The following CDCP1 variants were observed in gnomAD, a reference collection of about 807,000 sequenced individuals.
The protein encoded by CDCP1 is CUB domain-containing protein 1.
CDCP1 carries 29 observed loss-of-function variants against 60.2 expected under a neutral mutation model. The ratio of observed to expected loss-of-function variants is 0.48; its 90% confidence interval spans 0.36 to 0.66. The LOEUF (loss-of-function observed/expected upper bound fraction) is 0.66, where lower values mean the gene tolerates loss of function less well. Among genes scored for constraint, CDCP1 ranks in the 30% least tolerant of loss-of-function variants. The probability of loss-of-function intolerance (pLI) is 0.00; values close to 1 mark genes in which losing one functional copy is unlikely to be tolerated. For synonymous variants in CDCP1, 387 were observed against 431.1 expected (o/e 0.90, Z 1.27); for missense variants, 876 against 1,074.3 (o/e 0.82, Z 2.58).
intron 1 of CDCP1, among the ~76,000 whole-genome samples, chr3:45,124,485 T>C (rs1698940255): frequency 1.3e-5 from 2 of 152,156 alleles, no homozygotes; most frequent in South Asian, 4.1e-4. Flanking sequence ...TTAAGATGCA[T>C]GGTGCCCTGG....
chr3:45,117,639 C>A (rs1163784153), intron 2 of CDCP1, among the ~76,000 whole-genome samples: 1 of 151,624 alleles, frequency 6.6e-6, no homozygotes, highest in Non-Finnish European at 1.5e-5. Flanking sequence ...CTCTGTCACC[C>A]AGGCTGGAGT....
intron 4 of CDCP1, among the ~76,000 whole-genome samples, chr3:45,096,118 G>A (rs951339106): frequency 2.0e-4 from 30 of 152,218 alleles, no homozygotes; most frequent in African/African-American, 7.2e-4. Context: ...TTTGGCACAC[G>A]GCCAGTGGGA....
intron 5 of CDCP1, among the ~76,000 whole-genome samples, chr3:45,094,588 C>A (rs1218300771): frequency 6.6e-6 from 1 of 151,966 alleles, no homozygotes; most frequent in African/African-American, 2.4e-5. Context: ...GTGACTAGTG[C>A]ATGTCCAGCA....
chr3:45,141,251 A>G (rs1023380037), intron 1 of CDCP1, among the ~76,000 whole-genome samples: 2 of 152,192 alleles, frequency 1.3e-5, no homozygotes, highest in African/African-American at 4.8e-5. Flanking sequence ...AGTGTCAAAA[A>G]TGTCAACAAA....
rs1234353405 is a variant in CDCP1 at position 45,083,822 on chromosome 3, T to G, written c.*1816A>C. The G allele has an allele frequency of 6.6e-6, 1 of 151,522 alleles. No individual in the cohort carries two copies. Among genetic ancestry groups the G allele is most frequent in the Admixed American group, 6.6e-5 (1 of 15,180 alleles). The allele number at this position is 151,522 out of a possible 1,614,324, so 9.4% of individuals were successfully genotyped here. A position where few individuals can be genotyped will look rare whatever the true frequency, so the allele number is the denominator to read the frequency against. On this transcript the variant is annotated 3_prime_UTR_variant, in exon 9 of 9. Transcript: ENST00000296129. The stretch of plus-strand genomic sequence containing the variant: ...TATTTGGGAGGCTGAGGTGGGAGAA[T>G]TGCTTGAGCCCAGGAGGCAGAGGTT...
intron 2 of CDCP1, among the ~76,000 whole-genome samples, 195 bp from the exon 3 acceptor site, chr3:45,112,640 G>A (rs960499797): frequency 6.6e-6 from 1 of 152,238 alleles, no homozygotes; most frequent in Non-Finnish European, 1.5e-5. Context: ...CTCCTTCGGG[G>A]AAGTGCCTCA....
At position 45,083,439 on chromosome 3, in the gene CDCP1, C is replaced by G. The variant is rs1169334486; in HGVS notation, c.*2199G>C. The G allele has an allele frequency of 1.3e-5, 2 of 152,172 alleles. No homozygotes were observed. The highest frequency in any genetic ancestry group is 4.8e-5 in the African/African-American group (2 of 41,438). 9.4% of individuals were successfully genotyped at this position (152,172 alleles called of 1,614,324 possible). On this transcript the variant is annotated 3_prime_UTR_variant, in exon 9 of 9. Transcript: ENST00000296129. ...GTGAACAAGTTGAGGCGGTGCATTTCCAAGGTGAATTCATTGAATACAATG... is the reference window on the plus strand; with the variant it reads ...GTGAACAAGTTGAGGCGGTGCATTTGCAAGGTGAATTCATTGAATACAATG...
intron 1 of CDCP1, among the ~76,000 whole-genome samples, chr3:45,129,631 A>G (rs527560699): frequency 3.3e-4 from 51 of 152,322 alleles, no homozygotes; most frequent in African/African-American, 1.2e-3. Flanking sequence ...AAATCAAAGG[A>G]GTGGATTAAA....
In CDCP1 at chr3:45,091,638, C is replaced by T. The variant is rs1432392049; in HGVS notation, c.1628-100G>A. 1.7e-5 allele frequency: 24 copies of T among 1,385,390 alleles called. No homozygotes were observed. Among genetic ancestry groups the T allele is most frequent in the East Asian group, 1.2e-4 (5 of 40,106 alleles). 85.8% of individuals were successfully genotyped at this position (1,385,390 alleles called of 1,614,324 possible). On this transcript the variant is annotated intron_variant, in intron 6 of 8. Coordinates refer to ENST00000296129, the MANE Select transcript of CDCP1 (RefSeq NM_022842.5). This position sits in a 1 kb window ranked among gnomAD's most constrained non-coding sequence, Gnocchi z 4.8. Reference sequence around the variant, plus strand: ...GACGAAGTCCAACTGTCCAGACCAGCGCTGTCTAACCGAACTTTCTGCGAT... The same window carrying T: ...GACGAAGTCCAACTGTCCAGACCAGTGCTGTCTAACCGAACTTTCTGCGAT...
At chr3:45,122,942 A>G (rs1698911964) in intron 1 of CDCP1, among the ~76,000 whole-genome samples, 1 of 152,072 alleles carries the variant, frequency 6.6e-6, no homozygotes, top group South Asian at 2.1e-4. Flanking sequence ...TAAAGTTCTA[A>G]GCCCTAGTAG....
chr3:45,110,974 T>A (rs1040880871), intron 3 of CDCP1, 133 bp from the exon 4 acceptor site: 23 of 994,280 alleles, frequency 2.3e-5, no homozygotes, highest in African/African-American at 3.2e-5. Flanking sequence ...GTCTAGATAC[T>A]GTATATTTGG....
chr3:45,144,742 C>T (rs574971956), intron 1 of CDCP1, among the ~76,000 whole-genome samples: 110 of 152,330 alleles, frequency 7.2e-4, no homozygotes, highest in African/African-American at 2.4e-3. Context: ...CTGGTAGGCA[C>T]GCATTTTTCT....
At chr3:45,087,220 C>T (rs564142101) in intron 8 of CDCP1, among the ~76,000 whole-genome samples, 23 of 152,300 alleles carry the variant, frequency 1.5e-4, no homozygotes, top group Admixed American at 1.0e-3. Flanking sequence ...AGGAAGTACC[C>T]GCTTAGTGAA....
At chr3:45,136,759 T>C (rs1000927637) in intron 1 of CDCP1, among the ~76,000 whole-genome samples, 3 of 152,212 alleles carry the variant, frequency 2.0e-5, no homozygotes, top group Non-Finnish European at 2.9e-5. Flanking sequence ...TTTGTTTTAA[T>C]GCAACAAAAA....
At chr3:45,098,119 C>T (rs1330445032) in intron 4 of CDCP1, among the ~76,000 whole-genome samples, 1 of 152,000 alleles carries the variant, frequency 6.6e-6, no homozygotes, top group Non-Finnish European at 1.5e-5. Context: ...GGTCTCCCCA[C>T]CCGCTCTTCC....
intron 5 of CDCP1, among the ~76,000 whole-genome samples, chr3:45,094,085 T>C (rs1698354311): frequency 6.6e-6 from 1 of 152,186 alleles, no homozygotes; most frequent in African/African-American, 2.4e-5. Flanking sequence ...CTTCTGGCTC[T>C]GCCACTTCCT....
At chr3:45,090,312 C>T (rs1009769198) in intron 7 of CDCP1, among the ~76,000 whole-genome samples, 8 of 152,194 alleles carry the variant, frequency 5.3e-5, no homozygotes, top group African/African-American at 1.9e-4. Flanking sequence ...CACAGCCTGC[C>T]CTGCCACACC....
At chr3:45,102,115 A>G (rs891895569) in intron 4 of CDCP1, among the ~76,000 whole-genome samples, 2 of 151,978 alleles carry the variant, frequency 1.3e-5, no homozygotes, top group Admixed American at 6.5e-5. Flanking sequence ...TCTATTACCC[A>G]GGCTGGAGTA....
At chr3:45,099,802 A>T (rs1476698302) in intron 4 of CDCP1, among the ~76,000 whole-genome samples, 1 of 152,010 alleles carries the variant, frequency 6.6e-6, no homozygotes, top group Non-Finnish European at 1.5e-5. Context: ...CTTGGAGATT[A>T]AAAACGAGCT....
Sources: allele counts gnomAD v4.1 joint callset (sites outside exome capture counted in the v4.1 genomes callset), GRCh38; gene constraint gnomAD v4.1.1; non-coding constraint Gnocchi (gnomAD v3.1); transcripts MANE v1.5; gene names NCBI Gene and HGNC (gene_info 2026-07-23, HGNC 2026-07-21).